The following PYGB variants were observed in gnomAD, a reference collection of about 807,000 sequenced individuals.
PYGB encodes the protein glycogen phosphorylase, brain form.
PYGB carries 82 observed loss-of-function variants against 94.3 expected under a neutral mutation model. The ratio of observed to expected loss-of-function variants is 0.87; its 90% CI spans 0.73 to 1.04. The LOEUF (loss-of-function observed/expected upper bound fraction) is 1.04, where lower values mean the gene tolerates loss of function less well. Ranked by LOEUF, PYGB falls within the 50% of genes least tolerant of loss-of-function variation. The pLI, the probability that PYGB is intolerant of heterozygous loss-of-function variation, is 0.00. For missense variants in PYGB, 1,132 were observed against 1,158.2 expected (o/e 0.98, Z 0.33); for synonymous variants, 488 against 479.1 (o/e 1.02, Z -0.24).
At chr20:25,290,699 C>T (rs1253790700) in intron 16 of PYGB, 77 bp downstream of exon 16, 2 of 1,548,464 alleles carry the variant, frequency 1.3e-6, no homozygotes, top group Non-Finnish European at 1.8e-6. Flanking sequence ...CCGGGCCTTT[C>T]ATCCTCAGCC....
At chr20:25,273,664 G>C (rs2088285803) in intron 4 of PYGB, among the ~76,000 whole-genome samples, 1 of 152,122 alleles carries the variant, frequency 6.6e-6, no homozygotes, top group Non-Finnish European at 1.5e-5. Flanking sequence ...GTGGGGGTTG[G>C]TTTCATGTAG....
In PYGB at chr20:25,290,541, G is replaced by T; in HGVS notation, c.1888G>T (p.Val630Phe). ...CAAGTTGGTCACCTCCATCGGCGACGTCGTCAATCATGACCCAGTTGTGGG... is the reference window on the plus strand; with the variant it reads ...CAAGTTGGTCACCTCCATCGGCGACTTCGTCAATCATGACCCAGTTGTGGG... Reference protein sequence around the residue: ...IIKLVTSIGDVVNHDPVVGDR... With the variant: ...IIKLVTSIGDFVNHDPVVGDR... Residue 630 changes from valine to phenylalanine, a missense_variant, in exon 16 of 20, where the codon GTC (valine) becomes TTC (phenylalanine). Physicochemically the swap from Val to Phe is conservative, Grantham distance 50. Coordinates refer to ENST00000216962, the MANE Select transcript of PYGB (RefSeq NM_002862.4). 1 of 1,611,736 alleles carries T rather than the reference G, an allele frequency of 6.2e-7. No individual in the cohort carries two copies. The highest frequency in any genetic ancestry group is 8.5e-7 in the Non-Finnish European group (1 of 1,177,928).
intron 1 of PYGB, among the ~76,000 whole-genome samples, chr20:25,256,176 A>G (rs67352161): frequency 0.048 from 7,264 of 152,232 alleles, 183 homozygotes; most frequent in Middle Eastern, 0.11. Context: ...CACAGGCCCA[A>G]TTCTGTGAAT....
chr20:25,271,474 C>T lies in PYGB; in HGVS notation c.516C>T (p.Val172=), dbSNP rs200440077. Residue 172 remains valine (V), a synonymous_variant, in exon 4 of 20, where the codon GTC becomes GTT. Transcript: ENST00000216962. Reference sequence around the variant, plus strand: ...TTGGGATTTTTAACCAGAAGATTGTCAATGGCTGGCAGGTGGGTGAGATTT... The same window carrying T: ...TTGGGATTTTTAACCAGAAGATTGTTAATGGCTGGCAGGTGGGTGAGATTT... The part of the protein sequence containing the change: ...YEFGIFNQKI[V]NGWQVEEADD... 14 of 1,612,924 alleles carry T rather than the reference C, an allele frequency of 8.7e-6. No homozygotes were observed. Among genetic ancestry groups the T allele is most frequent in the African/African-American group, 1.3e-5 (1 of 74,914 alleles).
intron 3 of PYGB, among the ~76,000 whole-genome samples, chr20:25,269,549 G>A (rs546588117): frequency 2.0e-5 from 3 of 152,260 alleles, no homozygotes; most frequent in South Asian, 4.2e-4. Context: ...ATTTCTGAAC[G>A]TGGCCCTGCT....
chr20:25,285,242 C>G (rs376087222), intron 14 of PYGB: 2 of 152,314 alleles, frequency 1.3e-5, no homozygotes, highest in South Asian at 2.1e-4. Context: ...TGCACGGGAA[C>G]TTTGCATCAT....
At chr20:25,249,858 T>C (rs1162324100) in intron 1 of PYGB, among the ~76,000 whole-genome samples, 1 of 151,626 alleles carries the variant, frequency 6.6e-6, no homozygotes, top group Non-Finnish European at 1.5e-5. Flanking sequence ...CCATTTTTTT[T>C]TTTTTTTTAA....
At chr20:25,279,421 T>C (rs894341103) in intron 9 of PYGB, among the ~76,000 whole-genome samples, 2 of 152,144 alleles carry the variant, frequency 1.3e-5, no homozygotes, top group East Asian at 3.8e-4. Context: ...CATCTTGAAA[T>C]TTGGTGACAG....
chr20:25,293,354 G>T (rs2088491059), intron 17 of PYGB, among the ~76,000 whole-genome samples: 1 of 152,174 alleles, frequency 6.6e-6, no homozygotes, highest in African/African-American at 2.4e-5. Flanking sequence ...GCACTCCACT[G>T]TGTGTGGCCG....
chr20:25,282,285 G>A, intron 12 of PYGB, 138 bp downstream of exon 12: 3 of 710,698 alleles, frequency 4.2e-6, no homozygotes, highest in Non-Finnish European at 6.9e-6. Context: ...TTCTGGACAT[G>A]AGGGCTGAGC....
At chr20:25,286,018 T>G (rs1379909440) in intron 14 of PYGB, among the ~76,000 whole-genome samples, 1 of 152,228 alleles carries the variant, frequency 6.6e-6, no homozygotes, top group African/African-American at 2.4e-5. Flanking sequence ...CCCAGTGCTT[T>G]TTAGGGCCCT....
In PYGB at chr20:25,296,451, T is replaced by C; in HGVS notation, c.2461T>C (p.Tyr821His). The stretch of plus-strand genomic sequence containing the variant: ...CTCCAGTGACCGGACCATCACGGAG[T>C]ATGCACGGGAGATCTGGGGTGTGGA... ...KFSSDRTITE[Y>H]AREIWGVEPS... Residue 821 changes from tyrosine (Y) to histidine (H), a missense_variant, in exon 20 of 20, where the codon TAT becomes CAT. Tyr to His is a moderately conservative substitution (Grantham distance 83). Transcript: ENST00000216962. 1 of 1,613,762 alleles carries C rather than the reference T, an allele frequency of 6.2e-7. No homozygotes were observed.
In PYGB at chr20:25,274,632, G is replaced by A. The variant is rs2088294532; in HGVS notation, c.569G>A (p.Trp190Ter). ...GACTGGCTGCGCTACGGCAACCCCT[G>A]GGAGAAAGCGCGGCCTGAGTATATG... ...ADDWLRYGNP[W>*]EKARPEYMLP... Residue 190 changes from tryptophan to a stop codon, truncating the protein, a stop_gained, in exon 5 of 20, where the codon TGG becomes TAG. Coordinates refer to ENST00000216962, the MANE Select transcript of PYGB (RefSeq NM_002862.4). LOFTEE classifies it high-confidence loss of function. 6.2e-7 allele frequency: 1 copy of A among 1,613,858 alleles called. No homozygotes were observed. The highest frequency in any genetic ancestry group is 8.5e-7 in the Non-Finnish European group (1 of 1,180,028).
intron 18 of PYGB, chr20:25,295,126 TA>T: frequency 1.5e-6 from 2 of 1,310,562 alleles, no homozygotes; most frequent in Non-Finnish European, 2.2e-6. Flanking sequence ...TGTAGATTCA[TA>T]AATCTGGCAT....
intron 2 of PYGB, among the ~76,000 whole-genome samples, chr20:25,264,688 A>C (rs943586121): frequency 1.3e-5 from 2 of 152,212 alleles, no homozygotes; most frequent in African/African-American, 4.8e-5. Context: ...TGCTTCAAAG[A>C]GAATAAAATA....
intron 1 of PYGB, among the ~76,000 whole-genome samples, chr20:25,249,900 A>G (rs1422250059): frequency 6.6e-6 from 1 of 150,934 alleles, no homozygotes; most frequent in Non-Finnish European, 1.5e-5. Context: ...GTGAAGCTAG[A>G]GTGCAGTGGC....
At chr20:25,287,423 CTGTT>C (rs1244016795) in intron 14 of PYGB, among the ~76,000 whole-genome samples, 1 of 152,016 alleles carries the variant, frequency 6.6e-6, no homozygotes, top group African/African-American at 2.4e-5. Flanking sequence ...GGCCTGATGA[CTGTT>C]TGATGCCAGG....
At chr20:25,290,650 A>G (rs6115130) in intron 16 of PYGB, 28 bp downstream of exon 16, 164,083 of 1,585,916 alleles carry the variant, frequency 0.1, 9,159 homozygotes, top group Non-Finnish European at 0.11. Context: ...TGTTGGACAG[A>G]AAACTCACTC....
intron 4 of PYGB, 134 bp from the exon 5 acceptor site, chr20:25,274,458 C>A: frequency 7.9e-7 from 1 of 1,269,218 alleles, no homozygotes; most frequent in Non-Finnish European, 1.1e-6. Flanking sequence ...GAATCCCGAC[C>A]TGGTAAGTGG....
Sources: gnomAD v4.1 joint callset for allele counts (sites outside exome capture counted in the v4.1 genomes callset) on GRCh38, gnomAD v4.1.1 for gene constraint, MANE v1.5 for transcripts, NCBI Gene and HGNC (gene_info 2026-07-23, HGNC 2026-07-21) for gene names.